The following DNAH17 variants were observed in gnomAD, a reference collection of about 807,000 sequenced individuals.
DNAH17 encodes the protein axonemal beta dynein heavy chain 17.
Under a neutral mutation model 485.6 loss-of-function variants are expected in DNAH17, and 376 were observed. The ratio of observed to expected loss-of-function variants is 0.77; its 90% confidence interval spans 0.71 to 0.84. The LOEUF is 0.84. Among genes scored for constraint, DNAH17 ranks in the 40% least tolerant of loss-of-function variants. DNAH17 has a pLI of 0.00. For missense variants in DNAH17, 6,370 were observed against 5,839.3 expected, an observed-to-expected ratio of 1.09 and a Z score of -2.96; for synonymous variants, 3,031 against 2,405.9, an observed-to-expected ratio of 1.26 and a Z score of -7.60.
intron 70 of DNAH17, among the ~76,000 whole-genome samples, 163 bp downstream of exon 70, chr17:78,445,395 C>CA (rs2087242987): frequency 6.6e-6 from 1 of 152,210 alleles, no homozygotes; most frequent in Non-Finnish European, 1.5e-5. Context: ...AGCTGGCAGC[C>CA]AGCCCATCTT....
intron 48 of DNAH17, among the ~76,000 whole-genome samples, chr17:78,483,956 C>T (rs1290521015): frequency 2.6e-5 from 4 of 151,694 alleles, no homozygotes; most frequent in Non-Finnish European, 4.4e-5. Flanking sequence ...AATTAGCCGG[C>T]GTGGTGGTGG....
At chr17:78,425,231 TGCCTGTCCCCACAGCTCTTGAACA>T in intron 80 of DNAH17, 91 bp downstream of exon 80, 2 of 1,054,774 alleles carry the variant, frequency 1.9e-6, no homozygotes, top group Middle Eastern at 2.1e-4. Context: ...ACCTCTCTCC[TGCCTGTCCCCACAGCTCTTGAACA>T]GCCTGTCTTT....
Position 78,459,776 on chromosome 17 carries a change from C to G in DNAH17, c.9653+8G>C, listed in dbSNP as rs749911930. The stretch of plus-strand genomic sequence containing the variant: ...AAGCCCCGGCTACGAGGCCCAGCCC[C>G]GACTCACTTGAAGGCCTTCAGGCAG... On this transcript the variant is annotated splice_region_variant and intron_variant, in intron 60 of 80. Transcript: ENST00000389840. 3.1e-6 allele frequency: 5 copies of G among 1,613,882 alleles called. No homozygotes were observed. The highest frequency in any genetic ancestry group is 1.7e-4 in the Middle Eastern group (1 of 6,058).
intron 74 of DNAH17, among the ~76,000 whole-genome samples, chr17:78,435,237 C>G (rs1308058586): frequency 4.6e-5 from 7 of 152,146 alleles, no homozygotes. Flanking sequence ...CCCCCAAGGA[C>G]AAGGGAAGGC....
At chr17:78,479,713 G>A in intron 49 of DNAH17, 81 bp from the exon 50 acceptor site, 1 of 1,583,216 alleles carries the variant, frequency 6.3e-7, no homozygotes, top group Non-Finnish European at 8.5e-7. Context: ...GCGGGAGAGT[G>A]GCCCCTGTCC....
intron 31 of DNAH17, 101 bp downstream of exon 31, chr17:78,505,192 A>G: frequency 6.7e-6 from 10 of 1,490,330 alleles, no homozygotes; most frequent in South Asian, 2.5e-5. Flanking sequence ...GCAGCTGCAC[A>G]GGGTGCTGGT....
intron 75 of DNAH17, among the ~76,000 whole-genome samples, chr17:78,430,249 T>C (rs905502796): frequency 1.3e-5 from 2 of 151,726 alleles, no homozygotes; most frequent in African/African-American, 4.9e-5. Context: ...TGAGGCCACA[T>C]GTGTCATTTT....
chr17:78,461,073 C>A (rs374422307), intron 58 of DNAH17, among the ~76,000 whole-genome samples: 1 of 151,828 alleles, frequency 6.6e-6, no homozygotes, highest in Middle Eastern at 3.2e-3. Flanking sequence ...TCAGCCACCC[C>A]CAACCAGCAA....
intron 48 of DNAH17, among the ~76,000 whole-genome samples, chr17:78,482,473 A>T (rs1448317876): frequency 1.3e-5 from 2 of 152,018 alleles, no homozygotes; most frequent in African/African-American, 2.4e-5. Context: ...TTTCTCCATT[A>T]TATATGTCCA....
At chr17:78,458,908 G>T in intron 61 of DNAH17, 93 bp downstream of exon 61, 1 of 1,372,840 alleles carries the variant, frequency 7.3e-7, no homozygotes, top group Non-Finnish European at 1.0e-6. Context: ...ATGACGGCGG[G>T]CCGTGCCAAC....
chr17:78,566,623 G>T lies in DNAH17; in HGVS notation c.1560C>A (p.Ser520=). 1.9e-6 allele frequency: 3 copies of T among 1,605,796 alleles called. No individual in the cohort carries two copies. The highest frequency in any genetic ancestry group is 2.6e-6 in the Non-Finnish European group (3 of 1,175,836). Residue 520 remains serine (S), a synonymous_variant, in exon 11 of 81, where the codon TCC becomes TCA. Transcript: ENST00000389840. ...TCCACTGCATGCTTACCTTTGCGGA[G>T]GACTTGATACAGCTGCAGTCATCAA... ...QGFDDCSCIK[S]SAKLLYMCGG...
chr17:78,435,135 C>T (rs2086814711), intron 74 of DNAH17, among the ~76,000 whole-genome samples: 2 of 152,138 alleles, frequency 1.3e-5, no homozygotes, highest in South Asian at 2.1e-4. Flanking sequence ...CTGGCCTGGC[C>T]AGTCCCTTTC....
intron 48 of DNAH17, 131 bp downstream of exon 48, chr17:78,484,737 G>A: frequency 3.5e-6 from 1 of 282,514 alleles, no homozygotes; most frequent in Admixed American, 1.1e-4. Context: ...CCACGTTGCA[G>A]CACCCCCCCC....
chr17:78,481,998 G>A lies in DNAH17; in HGVS notation c.7650-1212C>T, dbSNP rs576777627. The stretch of plus-strand genomic sequence containing the variant: ...CTATTGCACTCCAGCCTGGGCAACA[G>A]AGCAAGATTTCATTTCAAAAATAAA... On this transcript the variant is annotated intron_variant, in intron 48 of 80. Transcript: ENST00000389840. Among the ~76,000 whole-genome samples, 5 of 151,650 alleles carry A rather than the reference G, an allele frequency of 3.3e-5. No individual in the cohort carries two copies. The South Asian group carries it at 1.0e-3, about 32-fold the overall frequency.
Position 78,507,734 on chromosome 17 carries a change from G to C in DNAH17, c.4308C>G (p.Thr1436=), listed in dbSNP as rs1334537164. ...GCACCTCGCTGGACTTGAGCATCATGGTGCCTGTCCGCGGGTGCGGCTCGT... is the reference window on the plus strand; with the variant it reads ...GCACCTCGCTGGACTTGAGCATCATCGTGCCTGTCCGCGGGTGCGGCTCGT... ...FQHEPHPRTG[T]MMLKSSEVLV... is the part of the protein sequence containing the mutation. Residue 1436 remains threonine, a synonymous_variant, in exon 28 of 81, where the codon ACC becomes ACG. Transcript: ENST00000389840. 6.2e-7 allele frequency: 1 copy of C among 1,604,400 alleles called. No homozygotes were observed. Among genetic ancestry groups the C allele is most frequent in the African/African-American group, 1.3e-5 (1 of 74,894 alleles).
chr17:78,545,557 C>G (rs1236422242), intron 16 of DNAH17, among the ~76,000 whole-genome samples: 5 of 152,076 alleles, frequency 3.3e-5, no homozygotes, highest in Non-Finnish European at 1.5e-5. Context: ...TATAAGGGCA[C>G]GAATCTCCTT....
rs112147412 is a variant in DNAH17, at chr17:78,437,781, A to G, written c.11893T>C (p.Phe3965Leu). Residue 3965 changes from phenylalanine to leucine, a missense_variant, in exon 74 of 81, where the codon TTC (phenylalanine) becomes CTC (leucine). By Grantham distance (22) the Phe-to-Leu change is conservative. Coordinates refer to ENST00000389840, the MANE Select transcript of DNAH17 (RefSeq NM_173628.4). ...CTGGGGGCAGGCTCCGCGCTGATGAACACCCGGTAGTCCTCATGGCTGCCC... is the reference window on the plus strand; with the variant it reads ...CTGGGGGCAGGCTCCGCGCTGATGAGCACCCGGTAGTCCTCATGGCTGCCC... ...STGSHEDYRV[F>L]ISAEPAPSPE... The G allele has an allele frequency of 5.0e-6, 8 of 1,612,452 alleles. No homozygotes were observed. The highest frequency in any genetic ancestry group is 6.8e-6 in the Non-Finnish European group (8 of 1,179,734).
intron 71 of DNAH17, 112 bp downstream of exon 71, chr17:78,444,492 A>G (rs1369841206): frequency 9.4e-7 from 1 of 1,068,508 alleles, no homozygotes; most frequent in African/African-American, 1.6e-5. Context: ...GGAGAAGAAA[A>G]AAGTTCAGGG....
At chr17:78,517,699 C>T (rs1332763248) in intron 25 of DNAH17, among the ~76,000 whole-genome samples, 1 of 152,222 alleles carries the variant, frequency 6.6e-6, no homozygotes, top group African/African-American at 2.4e-5. Flanking sequence ...GCTGTCTTAG[C>T]ATCTGACCCA....
Sources: allele counts gnomAD v4.1 joint callset (sites outside exome capture counted in the v4.1 genomes callset), GRCh38; gene constraint gnomAD v4.1.1; transcripts MANE v1.5; gene names NCBI Gene and HGNC (gene_info 2026-07-23, HGNC 2026-07-21).